The following KCNH8 variants were observed in gnomAD, a reference collection of about 807,000 sequenced individuals.
KCNH8 encodes voltage-gated delayed rectifier potassium channel KCNH8.
A neutral mutation model predicts 103.6 loss-of-function variants in KCNH8; 70 were observed. The observed-to-expected ratio is 0.68, with a 90% CI of 0.56 to 0.82. The LOEUF (loss-of-function observed/expected upper bound fraction) is 0.82. KCNH8 is among the 40% of genes least tolerant of loss of function. The probability of loss-of-function intolerance (pLI) is 0.00; values close to 1 mark genes in which losing one functional copy is unlikely to be tolerated. For synonymous variants in KCNH8, 498 were observed against 489.4 expected (o/e 1.02, Z -0.23); for missense variants, 1,217 against 1,329.9 (o/e 0.92, Z 1.32).
rs2063599887 is a variant in KCNH8, at chr3:19,196,159, A to T, written c.76+47364A>T. 2.0e-5 allele frequency among the ~76,000 whole-genome samples: 3 copies of T among 152,136 alleles called. No homozygotes were observed. In the South Asian group the frequency reaches 6.2e-4, roughly 32 times the overall value. ...TGCCAGATTCTCTTCAAGAGACTCA[A>T]GCCTCTCCTTTGTTCAGTTATTGTC... On this transcript the variant is annotated intron_variant, in intron 1 of 15. Transcript: ENST00000328405.
At chr3:19,227,770 A>G (rs915146313) in intron 1 of KCNH8, among the ~76,000 whole-genome samples, 3 of 152,216 alleles carry the variant, frequency 2.0e-5, no homozygotes, top group African/African-American at 7.2e-5. Context: ...TTGTAGGCCC[A>G]GTGAGCGGCA....
At chr3:19,279,155 C>A (rs1301140377) in intron 2 of KCNH8, among the ~76,000 whole-genome samples, 3 of 152,118 alleles carry the variant, frequency 2.0e-5, no homozygotes, top group African/African-American at 7.2e-5. Flanking sequence ...CCTGATGGCT[C>A]TTTTTGTTTC....
intron 5 of KCNH8, among the ~76,000 whole-genome samples, chr3:19,380,769 C>A (rs752397042): frequency 9.2e-5 from 14 of 152,218 alleles, no homozygotes; most frequent in Non-Finnish European, 1.3e-4. Flanking sequence ...TCATACATTA[C>A]CGAAATCACG....
At chr3:19,495,720 T>C (rs1458202532) in intron 11 of KCNH8, among the ~76,000 whole-genome samples, 1 of 152,120 alleles carries the variant, frequency 6.6e-6, no homozygotes, top group Admixed American at 6.5e-5. Flanking sequence ...TTAAATTTTT[T>C]TTTTTTTAAA....
At position 19,148,537 on chromosome 3, in the gene KCNH8, G is replaced by C; in HGVS notation, c.-183G>C. ...TCTTGGGGCTCCTCCTGCCACAGCCGGGGCGGCTGGAACTCTCTCCCTTTC... is the reference window on the plus strand; with the variant it reads ...TCTTGGGGCTCCTCCTGCCACAGCCCGGGCGGCTGGAACTCTCTCCCTTTC... On this transcript the variant is annotated 5_prime_UTR_variant, in exon 1 of 16. Transcript: ENST00000328405. The C allele has an allele frequency of 1.6e-6, 1 of 619,998 alleles. No individual in the cohort carries two copies. Among genetic ancestry groups the C allele is most frequent in the Non-Finnish European group, 2.9e-6 (1 of 346,322 alleles). 38.4% of individuals were successfully genotyped at this position (619,998 alleles called of 1,614,324 possible).
At chr3:19,327,179 A>T (rs922070427) in intron 3 of KCNH8, among the ~76,000 whole-genome samples, 2 of 152,228 alleles carry the variant, frequency 1.3e-5, no homozygotes, top group African/African-American at 2.4e-5. Context: ...GGTCAAAGAA[A>T]GTCACAGGAC....
chr3:19,290,172 T>C (rs2064897680), intron 3 of KCNH8, among the ~76,000 whole-genome samples: 1 of 152,192 alleles, frequency 6.6e-6, no homozygotes, highest in Admixed American at 6.5e-5. Context: ...TTTCTAGATA[T>C]ACAATCATGT....
intron 11 of KCNH8, among the ~76,000 whole-genome samples, chr3:19,491,698 T>G (rs1426346631): frequency 1.3e-5 from 2 of 152,232 alleles, no homozygotes; most frequent in Non-Finnish European, 2.9e-5. Flanking sequence ...CCTTTGGGTA[T>G]GCGCCCAGTA....
At chr3:19,243,234 C>T (rs1409682381) in intron 1 of KCNH8, among the ~76,000 whole-genome samples, 1 of 152,146 alleles carries the variant, frequency 6.6e-6, no homozygotes. Flanking sequence ...TCAGCATACA[C>T]CTGTGTTGGT....
intron 1 of KCNH8, among the ~76,000 whole-genome samples, chr3:19,245,501 G>A (rs1239527627): frequency 6.6e-6 from 1 of 152,168 alleles, no homozygotes; most frequent in Non-Finnish European, 1.5e-5. Flanking sequence ...GAAGGATGAT[G>A]TTGGTATTTT....
chr3:19,299,672 A>G (rs765239197), intron 3 of KCNH8, among the ~76,000 whole-genome samples: 10 of 152,078 alleles, frequency 6.6e-5, no homozygotes, highest in Non-Finnish European at 1.5e-4. Flanking sequence ...AAAATAAAAA[A>G]TAAAAAAGTT....
At chr3:19,411,747 A>G (rs1357463535) in intron 7 of KCNH8, among the ~76,000 whole-genome samples, 6 of 151,372 alleles carry the variant, frequency 4.0e-5, no homozygotes, top group South Asian at 2.1e-4. Flanking sequence ...CAAGAACACA[A>G]TCCCATTAAC....
chr3:19,465,765 T>C (rs1379190215), intron 11 of KCNH8, among the ~76,000 whole-genome samples: 1 of 151,670 alleles, frequency 6.6e-6, no homozygotes, highest in Non-Finnish European at 1.5e-5. Context: ...AAGTTGACTT[T>C]AATCCTCATG....
chr3:19,221,918 G>T (rs2063879813), intron 1 of KCNH8, among the ~76,000 whole-genome samples: 1 of 151,750 alleles, frequency 6.6e-6, no homozygotes. Context: ...CACGATGTTG[G>T]CTCACTGCAA....
intron 1 of KCNH8, among the ~76,000 whole-genome samples, chr3:19,245,962 A>T (rs1179895491): frequency 1.3e-5 from 2 of 152,146 alleles, no homozygotes; most frequent in East Asian, 3.8e-4. Flanking sequence ...TATGAAACTT[A>T]TTTATTGAAC....
intron 3 of KCNH8, among the ~76,000 whole-genome samples, chr3:19,314,463 A>AG (rs1180842437): frequency 2.0e-5 from 3 of 151,924 alleles, no homozygotes; most frequent in Admixed American, 6.6e-5. Context: ...TTAGCTCCTC[A>AG]GGAGGCTAAG....
rs1467503757 is a variant in KCNH8, at chr3:19,395,132, T to C, written c.998T>C (p.Val333Ala). Residue 333 changes from valine (V) to alanine (A), a missense_variant, in exon 7 of 16, where the codon GTG (valine) becomes GCG (alanine). Physicochemically the swap from Val to Ala is moderately conservative, Grantham distance 64. This residue lies in a region of KCNH8 where 415 missense variants were observed against 577.4 expected (regional missense o/e 0.72). Transcript: ENST00000328405. ...VVSLVHLLKT[V>A]RLLRLLRLLQ... ...TCTCTCGTGCATCTTCTAAAGACAG[T>C]GCGCCTCTTGCGTCTTTTGCGTCTG... 2 of 1,611,694 alleles carry C rather than the reference T, an allele frequency of 1.2e-6. No individual in the cohort carries two copies. Among genetic ancestry groups the C allele is most frequent in the Non-Finnish European group, 1.7e-6 (2 of 1,178,894 alleles).
chr3:19,510,843 G>A (rs570284981), intron 12 of KCNH8, among the ~76,000 whole-genome samples: 53 of 152,084 alleles, frequency 3.5e-4, no homozygotes, highest in African/African-American at 1.1e-3. Flanking sequence ...AAAGTTTCCC[G>A]AAAAAACTAA....
In KCNH8 at chr3:19,518,009, G is replaced by T; in HGVS notation, c.2554G>T (p.Gly852Ter). 6.2e-7 allele frequency: 1 copy of T among 1,612,118 alleles called. No homozygotes were observed. The highest frequency in any genetic ancestry group is 2.2e-5 in the East Asian group (1 of 44,838). The change falls in exon 15 of 16, where the codon GGA becomes TGA. Residue 852 changes from glycine (G) to a stop codon, truncating the protein, a stop_gained. Coordinates refer to ENST00000328405, the MANE Select transcript of KCNH8 (RefSeq NM_144633.3). LOFTEE classifies it high-confidence loss of function. Reference sequence around the variant, plus strand: ...GTGTCACTTTTCAGATCCAGAGATTGGAGCTGCTGTTCTCTTCATCAAAGC... The same window carrying T: ...GTGTCACTTTTCAGATCCAGAGATTTGAGCTGCTGTTCTCTTCATCAAAGC... Reference protein sequence around the residue: ...ISPPLGDPEIGAAVLFIKAEE... With the variant: ...ISPPLGDPEI
Sources: gnomAD v4.1 joint callset for allele counts (sites outside exome capture counted in the v4.1 genomes callset) on GRCh38, gnomAD v4.1.1 for gene constraint, gnomAD v4.1.1 regional missense constraint, MANE v1.5 for transcripts, NCBI Gene and HGNC (gene_info 2026-07-23, HGNC 2026-07-21) for gene names.